Variants in NT5C2 observed in about 807,000 individuals in gnomAD.
NT5C2 encodes the protein 5'-nucleotidase, cytosolic II.
NT5C2 carries 58 observed loss-of-function variants against 76.1 expected under a neutral mutation model. The ratio of observed to expected loss-of-function variants is 0.76; its 90% confidence interval spans 0.62 to 0.95. The LOEUF (loss-of-function observed/expected upper bound fraction) is 0.95. Ranked by LOEUF, NT5C2 falls within the 40% of genes least tolerant of loss-of-function variation. The pLI, the probability that NT5C2 is intolerant of heterozygous loss-of-function variation, is 0.00. For missense variants in NT5C2, 478 were observed against 690.3 expected, an observed-to-expected ratio of 0.69 and a Z score of 3.45; for synonymous variants, 229 against 237.4, an observed-to-expected ratio of 0.96 and a Z score of 0.32.
chr10:103,128,850 TGAG>T (rs2077258381), intron 4 of NT5C2, among the ~76,000 whole-genome samples: 2 of 53,048 alleles, frequency 3.8e-5, no homozygotes, highest in East Asian at 1.6e-3. Flanking sequence ...GTCTGAGAAG[TGAG>T]GAGCCCCTCC....
intron 3 of NT5C2, among the ~76,000 whole-genome samples, chr10:103,149,657 C>A (rs2082076158): frequency 6.6e-6 from 1 of 152,010 alleles, no homozygotes; most frequent in Non-Finnish European, 1.5e-5. Flanking sequence ...GAGGATCATT[C>A]ATAAAACACA....
chr10:103,182,720 T>TTA (rs1276539917), intron 1 of NT5C2, among the ~76,000 whole-genome samples: 4 of 152,156 alleles, frequency 2.6e-5, no homozygotes, highest in African/African-American at 9.7e-5. Flanking sequence ...AAAACTTACA[T>TTA]GGAAAGGATA....
chr10:103,123,857 A>AGGGGG, intron 4 of NT5C2, among the ~76,000 whole-genome samples: 4 of 149,070 alleles, frequency 2.7e-5, no homozygotes, highest in African/African-American at 1.0e-4. Context: ...TGGGGGGGGA[A>AGGGGG]AAAAAAAGTC....
intron 4 of NT5C2, among the ~76,000 whole-genome samples, chr10:103,110,221 C>T (rs2072603503): frequency 6.6e-6 from 1 of 152,024 alleles, no homozygotes. Context: ...TTTGGGAGGC[C>T]GGGGCGTGTG....
chr10:103,118,526 G>C (rs1438845151), intron 4 of NT5C2, among the ~76,000 whole-genome samples: 1 of 151,826 alleles, frequency 6.6e-6, no homozygotes, highest in East Asian at 1.9e-4. Context: ...ACTAATTTTT[G>C]CATTTTTTGT....
At chr10:103,123,091 T>C (rs1279855731) in intron 4 of NT5C2, among the ~76,000 whole-genome samples, 1 of 152,170 alleles carries the variant, frequency 6.6e-6, no homozygotes, top group East Asian at 1.9e-4. Flanking sequence ...CTACACTACA[T>C]ATAAGTCATC....
chr10:103,112,765 T>C (rs1012288413), intron 4 of NT5C2, among the ~76,000 whole-genome samples: 1 of 152,216 alleles, frequency 6.6e-6, no homozygotes, highest in Non-Finnish European at 1.5e-5. Flanking sequence ...CACCCAAGAA[T>C]AGTCATTTGC....
Position 103,089,638 on chromosome 10 carries a change from G to A in NT5C2, c.*34C>T. 1 of 1,552,482 alleles carries A rather than the reference G, an allele frequency of 6.4e-7. No homozygotes were observed. Among genetic ancestry groups the A allele is most frequent in the Non-Finnish European group, 8.7e-7 (1 of 1,149,398 alleles). On this transcript the variant is annotated 3_prime_UTR_variant, in exon 19 of 19. Transcript: ENST00000404739. ...GTTCCTGTGAGTCCTGCCAGGACTT[G>A]TTTAATGGGTGCTTGGGGTTTTGGT...
chr10:103,165,809 T>C (rs1395010719), intron 3 of NT5C2, among the ~76,000 whole-genome samples: 1 of 152,098 alleles, frequency 6.6e-6, no homozygotes, highest in Non-Finnish European at 1.5e-5. Flanking sequence ...GTAGCTGGGA[T>C]TACAGGCATG....
In NT5C2 at chr10:103,089,670, C is replaced by T. The variant is rs775525368; in HGVS notation, c.*2G>A. The T allele has an allele frequency of 2.5e-6, 4 of 1,592,032 alleles. No individual in the cohort carries two copies. The Admixed American group carries it at 6.9e-5, about 27-fold the overall frequency. On this transcript the variant is annotated 3_prime_UTR_variant, in exon 19 of 19. Coordinates refer to ENST00000404739, the MANE Select transcript of NT5C2 (RefSeq NM_001351169.2). ...GGGTGCTTGGGGTTTTGGTTTTCCT[C>T]CTTATTCTTCCTCCTCCTCCTCCTC...
chr10:103,171,852 C>T (rs2088097814), intron 3 of NT5C2, among the ~76,000 whole-genome samples: 1 of 151,980 alleles, frequency 6.6e-6, no homozygotes, highest in Non-Finnish European at 1.5e-5. Flanking sequence ...TGAGCCCAGG[C>T]ATTTGAGACC....
chr10:103,118,030 T>C (rs1315938988), intron 4 of NT5C2, among the ~76,000 whole-genome samples: 1 of 152,234 alleles, frequency 6.6e-6, no homozygotes, highest in Non-Finnish European at 1.5e-5. Context: ...TTTTCCTTAA[T>C]AAGGTGACTA....
At chr10:103,182,039 A>C (rs371992119) in intron 1 of NT5C2, among the ~76,000 whole-genome samples, 17 of 151,982 alleles carry the variant, frequency 1.1e-4, no homozygotes, top group East Asian at 7.7e-4. Flanking sequence ...AATAGCAGTC[A>C]GCACTTCTTT....
intron 6 of NT5C2, chr10:103,105,358 C>G (rs1457041266): frequency 1.7e-5 from 16 of 923,646 alleles, no homozygotes; most frequent in African/African-American, 1.8e-5. Flanking sequence ...ATATACATAC[C>G]TCTTCTGAAC....
chr10:103,162,162 C>T (rs1430920151), intron 3 of NT5C2, among the ~76,000 whole-genome samples: 2 of 151,998 alleles, frequency 1.3e-5, no homozygotes, highest in Admixed American at 6.6e-5. Flanking sequence ...ACTACAGGCA[C>T]GCACCACCAC....
chr10:103,163,977 G>A (rs569460494), intron 3 of NT5C2, among the ~76,000 whole-genome samples: 24 of 151,930 alleles, frequency 1.6e-4, no homozygotes, highest in Admixed American at 7.2e-4. Context: ...GGTGACTCAC[G>A]CCTAAAATCC....
intron 3 of NT5C2, among the ~76,000 whole-genome samples, chr10:103,156,197 A>G (rs2083337012): frequency 6.6e-6 from 1 of 152,200 alleles, no homozygotes; most frequent in South Asian, 2.1e-4. Flanking sequence ...ACAAGGCTGA[A>G]GGTGGGGAGA....
chr10:103,094,050 A>G lies in NT5C2; in HGVS notation c.922-12T>C. 6.2e-7 allele frequency: 1 copy of G among 1,608,860 alleles called. No individual in the cohort carries two copies. Among genetic ancestry groups the G allele is most frequent in the East Asian group, 2.2e-5 (1 of 44,848 alleles). On this transcript the variant is annotated splice_polypyrimidine_tract_variant and intron_variant, in intron 13 of 18. Coordinates refer to ENST00000404739, the MANE Select transcript of NT5C2 (RefSeq NM_001351169.2). ...AGCTTGCCAGTTTTCTGTATGAAGAATATGGATTTTGTAATACTTTATCAT... is the reference window on the plus strand; with the variant it reads ...AGCTTGCCAGTTTTCTGTATGAAGAGTATGGATTTTGTAATACTTTATCAT...
intron 18 of NT5C2, chr10:103,090,250 C>A: frequency 3.1e-6 from 1 of 323,904 alleles, no homozygotes; most frequent in East Asian, 5.3e-5. Flanking sequence ...GATGGTCTCT[C>A]GCTGTCACCC....
Sources: gnomAD v4.1 joint callset for allele counts (sites outside exome capture counted in the v4.1 genomes callset) on GRCh38, gnomAD v4.1.1 for gene constraint, MANE v1.5 for transcripts, NCBI Gene and HGNC (gene_info 2026-07-23, HGNC 2026-07-21) for gene names.